CFAP221: variants seen among roughly 807,000 people sequenced by gnomAD.
The protein encoded by CFAP221 is cilia and flagella associated protein 221.
A neutral mutation model predicts 113.1 loss-of-function variants in CFAP221; 97 were observed. The observed-to-expected ratio is 0.86, with a 90% CI of 0.73 to 1.02. CFAP221 has a LOEUF of 1.02. Among genes scored for constraint, CFAP221 ranks in the 50% least tolerant of loss-of-function variants. The probability of loss-of-function intolerance (pLI) is 0.00; values close to 1 mark genes in which losing one functional copy is unlikely to be tolerated. For missense variants in CFAP221, 1,025 were observed against 1,013.4 expected, an observed-to-expected ratio of 1.01 and a Z score of -0.16; for synonymous variants, 331 against 354.4, an observed-to-expected ratio of 0.93 and a Z score of 0.74.
chr2:119,587,833 G>A (rs767739021), intron 7 of CFAP221, among the ~76,000 whole-genome samples: 3 of 152,034 alleles, frequency 2.0e-5, no homozygotes, highest in African/African-American at 4.8e-5. Context: ...TTTAAGTCCG[G>A]GTATTCATTT....
chr2:119,640,862 G>C (rs907163512), intron 21 of CFAP221, among the ~76,000 whole-genome samples: 18 of 152,246 alleles, frequency 1.2e-4, no homozygotes, highest in African/African-American at 2.9e-4. Flanking sequence ...TGTGACCTCA[G>C]CCATGCCCCT....
intron 13 of CFAP221, among the ~76,000 whole-genome samples, chr2:119,611,951 A>G (rs188570392): frequency 2.6e-5 from 4 of 152,360 alleles, no homozygotes; most frequent in South Asian, 4.1e-4. Context: ...ACAGCACTAC[A>G]TACTTTGGCC....
rs1208493556 is a variant in CFAP221, at chr2:119,584,547, A to G, written c.528-2572A>G. Among the ~76,000 whole-genome samples, 4 of 152,194 alleles carry G rather than the reference A, an allele frequency of 2.6e-5. No homozygotes were observed. In the East Asian group the frequency reaches 7.7e-4, roughly 29 times the overall value. On this transcript the variant is annotated intron_variant, in intron 6 of 23. Transcript: ENST00000413369. ...GGCTGCAGTGAGCTATGATTATGCC[A>G]CTGCACCCCAGACTGGGTGACAAAG...
chr2:119,605,097 C>T, intron 10 of CFAP221, 84 bp from the exon 11 acceptor site: 1 of 1,453,008 alleles, frequency 6.9e-7, no homozygotes, highest in Non-Finnish European at 9.6e-7. Flanking sequence ...TGCTGTTATG[C>T]CTCGCCATTA....
intron 21 of CFAP221, among the ~76,000 whole-genome samples, chr2:119,642,940 TG>T (rs373175118): frequency 2.4e-4 from 36 of 151,894 alleles, no homozygotes; most frequent in African/African-American, 6.3e-4. Context: ...ACCATCACAT[TG>T]GGGGTTAAGT....
In CFAP221 at chr2:119,601,318, C is replaced by G; in HGVS notation, c.732C>G (p.Phe244Leu). 1.3e-6 allele frequency: 2 copies of G among 1,535,702 alleles called. No individual in the cohort carries two copies. The highest frequency in any genetic ancestry group is 1.7e-6 in the Non-Finnish European group (2 of 1,146,646). The change falls in exon 8 of 24, where the codon TTC becomes TTG. Residue 244 changes from phenylalanine (F) to leucine (L), a missense_variant. Phe to Leu is a conservative substitution (Grantham distance 22). Transcript: ENST00000413369. ...AAATGCAGTTATGGATTTCGCAGTTCAACTCTCAACCATACGAATGTGTCT... is the reference window on the plus strand; with the variant it reads ...AAATGCAGTTATGGATTTCGCAGTTGAACTCTCAACCATACGAATGTGTCT... ...QIKMQLWISQ[F>L]NSQPYECVFT...
Position 119,544,467 on chromosome 2 carries a change from C to A in CFAP221, c.-91C>A, listed in dbSNP as rs900184605. The A allele has an allele frequency of 1.3e-5, 2 of 151,812 alleles. No individual in the cohort carries two copies. Among genetic ancestry groups the A allele is most frequent in the African/African-American group, 4.8e-5 (2 of 41,406 alleles). 9.4% of individuals were successfully genotyped at this position (151,812 alleles called of 1,614,324 possible). The stretch of plus-strand genomic sequence containing the variant: ...TCATGGCGACGCTCCGAGCGGGCGC[C>A]GGCGCTGGCGCCGGCCGAATCCGGC... On this transcript the variant is annotated 5_prime_UTR_variant, in exon 1 of 24. Transcript: ENST00000413369.
At chr2:119,549,557 A>G (rs925461509) in intron 3 of CFAP221, among the ~76,000 whole-genome samples, 1 of 152,250 alleles carries the variant, frequency 6.6e-6, no homozygotes, top group African/African-American at 2.4e-5. Context: ...AAAAGATTAA[A>G]TAATTTATTC....
Position 119,546,231 on chromosome 2 carries a change from A to G in CFAP221, c.100A>G (p.Lys34Glu). Residue 34 changes from lysine to glutamate, a missense_variant, in exon 2 of 24, where the codon AAA becomes GAA. Coordinates refer to ENST00000413369, the MANE Select transcript of CFAP221 (RefSeq NM_001271049.2). ...HLLKNLVEEP[K>E]KRKEVPNHLL... ...CTTGAAGAACCTAGTGGAGGAGCCG[A>G]AAAAAAGAAAAGAAGTACCTAATCA... 1.3e-6 allele frequency: 2 copies of G among 1,535,696 alleles called. No homozygotes were observed. The highest frequency in any genetic ancestry group is 1.7e-6 in the Non-Finnish European group (2 of 1,146,684).
At chr2:119,632,823 A>G (rs1386253877) in intron 19 of CFAP221, among the ~76,000 whole-genome samples, 1 of 152,176 alleles carries the variant, frequency 6.6e-6, no homozygotes, top group South Asian at 2.1e-4. Flanking sequence ...ATAAAAATCA[A>G]TTATATTTCT....
Position 119,630,552 on chromosome 2 carries a change from A to G in CFAP221, c.1732-18A>G, listed in dbSNP as rs2272057. ...GGTAACAGGTTTTTAAGGATTTTCA[A>G]TCTTCTTTCACCTTCAGGTTCCTCA... On this transcript the variant is annotated intron_variant, in intron 17 of 23. Coordinates refer to ENST00000413369, the MANE Select transcript of CFAP221 (RefSeq NM_001271049.2). 23,875 of 1,564,516 alleles carry G rather than the reference A, an allele frequency of 0.015. 676 individuals are homozygous for G. The highest frequency in any genetic ancestry group is 0.11 in the African/African-American group (8,401 of 73,642).
intron 6 of CFAP221, among the ~76,000 whole-genome samples, chr2:119,575,762 A>ACC (rs1159724128): frequency 6.6e-6 from 1 of 152,220 alleles, no homozygotes; most frequent in Non-Finnish European, 1.5e-5. Flanking sequence ...TGTACATTTT[A>ACC]CCACATTTGT....
At chr2:119,646,887 G>C in intron 21 of CFAP221, 71 bp from the exon 22 acceptor site, 1 of 1,384,028 alleles carries the variant, frequency 7.2e-7, no homozygotes, top group South Asian at 1.2e-5. Flanking sequence ...AAATTCTTTA[G>C]AAAATTATGT....
intron 13 of CFAP221, among the ~76,000 whole-genome samples, chr2:119,615,369 C>T (rs1203828410): frequency 6.6e-6 from 1 of 152,182 alleles, no homozygotes; most frequent in Non-Finnish European, 1.5e-5. Flanking sequence ...CTTGAGCTTT[C>T]CTAACTAGAC....
Position 119,656,444 on chromosome 2 carries a change from C to T in CFAP221, c.2497C>T (p.Leu833Phe), listed in dbSNP as rs768718156. 8.7e-6 allele frequency: 14 copies of T among 1,613,754 alleles called. No homozygotes were observed. Among genetic ancestry groups the T allele is most frequent in the Non-Finnish European group, 1.2e-5 (14 of 1,179,834 alleles). Residue 833 changes from leucine to phenylalanine, a missense_variant, in exon 24 of 24, where the codon CTC becomes TTC. Leu to Phe is a conservative substitution (Grantham distance 22, BLOSUM62 0). Coordinates refer to ENST00000413369, the MANE Select transcript of CFAP221 (RefSeq NM_001271049.2). ...GATGAGGAACCTGCGGGGCAAAGCA[C>T]TCAACACATACCTGATTCTAGAATG... ...EEMRNLRGKA[L>F]NTYLILE
intron 3 of CFAP221, among the ~76,000 whole-genome samples, chr2:119,559,233 C>T (rs1573995856): frequency 6.6e-6 from 1 of 152,182 alleles, no homozygotes; most frequent in Admixed American, 6.5e-5. Flanking sequence ...CTGTCTTAGT[C>T]ACGTTCTTTT....
chr2:119,560,174 C>T (rs1314390908), intron 5 of CFAP221, 148 bp downstream of exon 5: 4 of 667,278 alleles, frequency 6.0e-6, no homozygotes, highest in African/African-American at 1.8e-5. Context: ...ACCAGTGTGA[C>T]TGGCGTGCAA....
At chr2:119,553,458 G>T (rs932751177) in intron 3 of CFAP221, among the ~76,000 whole-genome samples, 1 of 152,204 alleles carries the variant, frequency 6.6e-6, no homozygotes, top group Non-Finnish European at 1.5e-5. Context: ...GTATTTTTGA[G>T]CAGGGTTATG....
intron 19 of CFAP221, chr2:119,631,129 T>C: frequency 8.7e-7 from 1 of 1,145,372 alleles, no homozygotes; most frequent in Non-Finnish European, 1.1e-6. Flanking sequence ...TATGATCTTT[T>C]CTAAATATCT....
Sources: gnomAD v4.1 joint callset for allele counts (sites outside exome capture counted in the v4.1 genomes callset) on GRCh38, gnomAD v4.1.1 for gene constraint, MANE v1.5 for transcripts, NCBI Gene and HGNC (gene_info 2026-07-23, HGNC 2026-07-21) for gene names.